The following EVI5 variants were observed in gnomAD, a reference collection of about 807,000 sequenced individuals.
The protein encoded by EVI5 is ecotropic viral integration site 5, also known as ecotropic viral integration site 5 protein homolog.
EVI5 carries 73 observed loss-of-function variants against 112.0 expected under a neutral mutation model. The ratio of observed to expected loss-of-function variants is 0.65; its 90% CI spans 0.54 to 0.79. EVI5 has a LOEUF of 0.79. EVI5 is among the 30% of genes least tolerant of loss of function. The probability of loss-of-function intolerance (pLI) is 0.00; values close to 1 mark genes in which losing one functional copy is unlikely to be tolerated. For missense variants in EVI5, 900 were observed against 968.8 expected, an observed-to-expected ratio of 0.93 and a Z score of 0.94; for synonymous variants, 305 against 319.9, an observed-to-expected ratio of 0.95 and a Z score of 0.50.
chr1:92,605,155 A>G, intron 18 of EVI5, 152 bp downstream of exon 18: 1 of 613,804 alleles, frequency 1.6e-6, no homozygotes, highest in Admixed American at 3.0e-5. Flanking sequence ...GGTAAGTTTT[A>G]TGTCTATTTT....
intron 13 of EVI5, among the ~76,000 whole-genome samples, chr1:92,639,871 C>T (rs1345578362): frequency 2.0e-5 from 3 of 152,176 alleles, no homozygotes; most frequent in Admixed American, 6.5e-5. Context: ...TCAAACTATA[C>T]TACAAGGCTA....
At chr1:92,630,072 G>A (rs1656640121) in intron 14 of EVI5, among the ~76,000 whole-genome samples, 1 of 152,090 alleles carries the variant, frequency 6.6e-6, no homozygotes, top group African/African-American at 2.4e-5. Context: ...TATCATTGTT[G>A]GACATTTGGA....
At chr1:92,724,071 C>A (rs1275277025) in intron 2 of EVI5, among the ~76,000 whole-genome samples, 1 of 152,074 alleles carries the variant, frequency 6.6e-6, no homozygotes, top group Non-Finnish European at 1.5e-5. Context: ...GGGACATAGA[C>A]CCTCATCAGT....
chr1:92,697,299 A>G (rs1467691093), intron 6 of EVI5, among the ~76,000 whole-genome samples: 1 of 152,090 alleles, frequency 6.6e-6, no homozygotes, highest in Non-Finnish European at 1.5e-5. Context: ...TTAAATCCAG[A>G]AAGGTAAAAT....
intron 19 of EVI5, among the ~76,000 whole-genome samples, chr1:92,545,480 A>AT (rs1665534455): frequency 6.6e-6 from 1 of 152,132 alleles, no homozygotes; most frequent in Non-Finnish European, 1.5e-5. Context: ...AGTCAAAGAA[A>AT]TAAGACTTTT....
At chr1:92,642,258 T>A (rs1185386962) in intron 13 of EVI5, among the ~76,000 whole-genome samples, 1 of 152,250 alleles carries the variant, frequency 6.6e-6, no homozygotes, top group Admixed American at 6.5e-5. Context: ...GTTGTTATTG[T>A]TGTTAATGCT....
chr1:92,679,786 G>A (rs919925583), intron 9 of EVI5, among the ~76,000 whole-genome samples: 6 of 152,144 alleles, frequency 3.9e-5, no homozygotes, highest in African/African-American at 1.2e-4. Flanking sequence ...GGACCATTCC[G>A]TCCTTCAAAT....
intron 9 of EVI5, among the ~76,000 whole-genome samples, chr1:92,685,185 C>T (rs569116315): frequency 1.3e-5 from 2 of 152,210 alleles, no homozygotes; most frequent in South Asian, 4.2e-4. Flanking sequence ...TGTAAAAGAA[C>T]AGAAATCACA....
chr1:92,551,134 C>G (rs1180734067), intron 19 of EVI5, among the ~76,000 whole-genome samples: 2 of 148,232 alleles, frequency 1.3e-5, no homozygotes, highest in Non-Finnish European at 1.5e-5. Flanking sequence ...CCTCAACCTC[C>G]TGGGTCAAGC....
At chr1:92,628,639 A>C (rs1318328703) in intron 14 of EVI5, among the ~76,000 whole-genome samples, 3 of 152,220 alleles carry the variant, frequency 2.0e-5, no homozygotes, top group Non-Finnish European at 4.4e-5. Context: ...GCCCAGTATC[A>C]AACTTCTCTG....
intron 18 of EVI5, among the ~76,000 whole-genome samples, chr1:92,572,723 T>C (rs1670494540): frequency 8.5e-6 from 1 of 117,856 alleles, no homozygotes. Context: ...GATAACCATA[T>C]CTGTTTTGTA....
At chr1:92,765,525 A>AT (rs1017187851) in intron 1 of EVI5, among the ~76,000 whole-genome samples, 1 of 150,884 alleles carries the variant, frequency 6.6e-6, no homozygotes, top group Non-Finnish European at 1.5e-5. Context: ...TATTTTTCTG[A>AT]TTAAAAAAAA....
intron 18 of EVI5, among the ~76,000 whole-genome samples, chr1:92,578,236 G>A (rs1671378279): frequency 6.6e-6 from 1 of 152,088 alleles, no homozygotes; most frequent in South Asian, 2.1e-4. Context: ...GACTATTATG[G>A]TCTAGAACTA....
At chr1:92,712,565 T>C (rs979345429) in intron 2 of EVI5, among the ~76,000 whole-genome samples, 1 of 152,136 alleles carries the variant, frequency 6.6e-6, no homozygotes, top group Non-Finnish European at 1.5e-5. Flanking sequence ...TAATTAATTA[T>C]ACCATCAAAT....
At chr1:92,655,110 T>C (rs190245546) in intron 13 of EVI5, among the ~76,000 whole-genome samples, 266 of 151,384 alleles carry the variant, frequency 1.8e-3, no homozygotes, top group African/African-American at 6.2e-3. Flanking sequence ...GACATCCAAA[T>C]AGAAGATGCT....
At chr1:92,621,792 T>C (rs1486755649) in intron 16 of EVI5, among the ~76,000 whole-genome samples, 2 of 152,162 alleles carry the variant, frequency 1.3e-5, no homozygotes, top group Non-Finnish European at 2.9e-5. Context: ...AAACTGAAAT[T>C]AAGATGGGAA....
intron 13 of EVI5, among the ~76,000 whole-genome samples, chr1:92,660,982 T>C (rs1663900536): frequency 6.6e-6 from 1 of 151,850 alleles, no homozygotes; most frequent in African/African-American, 2.4e-5. Flanking sequence ...GAGAGAGACC[T>C]GAGAAGGTCT....
chr1:92,633,595 C>T lies in EVI5; in HGVS notation c.1527+2607G>A, dbSNP rs36157497. Among the ~76,000 whole-genome samples, 189 of 152,240 alleles carry T rather than the reference C, an allele frequency of 1.2e-3. 2 individuals are homozygous for T. Among genetic ancestry groups the T allele is most frequent in the African/African-American group, 4.4e-3 (183 of 41,544 alleles). ...GCATGTGAGATGGGTTTCCTGAATACAGCACACTGATGGGTCTTGACTCTT... is the reference window on the plus strand; with the variant it reads ...GCATGTGAGATGGGTTTCCTGAATATAGCACACTGATGGGTCTTGACTCTT... On this transcript the variant is annotated intron_variant, in intron 14 of 19. Transcript: ENST00000684568.
intron 13 of EVI5, among the ~76,000 whole-genome samples, chr1:92,649,088 C>T (rs1442668555): frequency 4.6e-5 from 7 of 152,138 alleles, no homozygotes; most frequent in Non-Finnish European, 8.8e-5. Context: ...GAAGAGGCAC[C>T]TCATCATGGT....
Sources: allele counts gnomAD v4.1 joint callset (sites outside exome capture counted in the v4.1 genomes callset), GRCh38; gene constraint gnomAD v4.1.1; transcripts MANE v1.5; gene names NCBI Gene and HGNC (gene_info 2026-07-23, HGNC 2026-07-21).